The following XPO4 variants were observed in gnomAD, a reference collection of about 807,000 sequenced individuals.
The protein encoded by XPO4 is exportin 4.
Under a neutral mutation model 143.0 loss-of-function variants are expected in XPO4, and 39 were observed. The observed-to-expected ratio is 0.27, with a 90% confidence interval of 0.21 to 0.36. The LOEUF is 0.36. Among genes scored for constraint, XPO4 ranks in the 10% least tolerant of loss-of-function variants. The pLI, the probability that XPO4 is intolerant of heterozygous loss-of-function variation, is 1.00. For synonymous variants in XPO4, 439 were observed against 474.0 expected (o/e 0.93, Z 0.96); for missense variants, 907 against 1,348.0 (o/e 0.67, Z 5.12).
intron 1 of XPO4, among the ~76,000 whole-genome samples, chr13:20,900,812 G>A (rs890470476): frequency 6.0e-4 from 91 of 151,862 alleles, no homozygotes; most frequent in Non-Finnish European, 1.2e-3. Flanking sequence ...GGGCTTCACC[G>A]TGTTGGCCAG....
intron 7 of XPO4, among the ~76,000 whole-genome samples, chr13:20,825,891 G>T (rs12865089): frequency 0.057 from 8,731 of 152,062 alleles, 633 homozygotes; most frequent in African/African-American, 0.17. Context: ...TATACCCATG[G>T]ATAGATAACC....
intron 1 of XPO4, among the ~76,000 whole-genome samples, chr13:20,877,990 A>G: frequency 6.6e-6 from 1 of 152,194 alleles, no homozygotes. Flanking sequence ...TGAGGTCAGG[A>G]GCTCAAGACC....
At chr13:20,850,317 T>C in intron 4 of XPO4, 2 of 954,872 alleles carry the variant, frequency 2.1e-6, no homozygotes, top group Non-Finnish European at 1.2e-6. Flanking sequence ...ATTTTACATA[T>C]TAGTGAACTA....
chr13:20,855,568 T>C, intron 4 of XPO4, 59 bp downstream of exon 4: 1 of 1,391,880 alleles, frequency 7.2e-7, no homozygotes, highest in Non-Finnish European at 9.4e-7. Flanking sequence ...GCTATAATGC[T>C]ATTTGTGTAA....
chr13:20,828,977 C>T (rs942814168), intron 6 of XPO4, among the ~76,000 whole-genome samples: 3 of 152,216 alleles, frequency 2.0e-5, no homozygotes, highest in African/African-American at 4.8e-5. Context: ...ACAAGACTGG[C>T]TGTTTAAAGC....
chr13:20,833,947 G>A (rs891363506), intron 6 of XPO4, among the ~76,000 whole-genome samples: 1 of 152,138 alleles, frequency 6.6e-6, no homozygotes, highest in Non-Finnish European at 1.5e-5. Flanking sequence ...GTATGATGGA[G>A]GATCACAGGA....
intron 1 of XPO4, among the ~76,000 whole-genome samples, chr13:20,882,169 T>C (rs952103568): frequency 2.1e-5 from 3 of 143,246 alleles, no homozygotes; most frequent in South Asian, 2.2e-4. Flanking sequence ...AAGACAGATA[T>C]GGGAAATTAT....
intron 9 of XPO4, among the ~76,000 whole-genome samples, chr13:20,813,989 A>G (rs1330059813): frequency 6.6e-6 from 1 of 152,026 alleles, no homozygotes; most frequent in Admixed American, 6.6e-5. Context: ...ATTGAACGCT[A>G]AGAGCCAGGC....
At chr13:20,870,430 T>C (rs1389994721) in intron 1 of XPO4, among the ~76,000 whole-genome samples, 2 of 126,748 alleles carry the variant, frequency 1.6e-5, no homozygotes, top group South Asian at 2.4e-4. Flanking sequence ...AGACTCCATC[T>C]CAATTAAAAA....
At chr13:20,854,471 T>C (rs2060122030) in intron 4 of XPO4, among the ~76,000 whole-genome samples, 1 of 152,160 alleles carries the variant, frequency 6.6e-6, no homozygotes, top group Non-Finnish European at 1.5e-5. Context: ...GAGGGGCCAC[T>C]GAAGACAAAA....
chr13:20,887,850 C>T (rs1432946879), intron 1 of XPO4, among the ~76,000 whole-genome samples: 1 of 144,300 alleles, frequency 6.9e-6, no homozygotes, highest in South Asian at 2.2e-4. Flanking sequence ...GACAGTCAGA[C>T]TCTGTCTCAA....
chr13:20,855,869 G>A (rs2060138353), intron 3 of XPO4, 104 bp from the exon 4 acceptor site: 7 of 1,250,100 alleles, frequency 5.6e-6, no homozygotes, highest in Non-Finnish European at 7.6e-6. Flanking sequence ...TTGCTTACAT[G>A]TGAGAGTAGA....
chr13:20,871,272 G>A (rs1455657586), intron 1 of XPO4, among the ~76,000 whole-genome samples: 1 of 152,034 alleles, frequency 6.6e-6, no homozygotes, highest in Non-Finnish European at 1.5e-5. Flanking sequence ...CCTCCGCCTC[G>A]GCCTCCCAAA....
Position 20,781,107 on chromosome 13 carries a change from T to C in XPO4, c.*2615A>G, listed in dbSNP as rs1422666169. On this transcript the variant is annotated 3_prime_UTR_variant, in exon 23 of 23. Transcript: ENST00000255305. ...TACTTGACAGTGTCCCTTTGACATA[T>C]ATAAAAGAGGGCACAAATAATGTTT... 2 of 152,236 alleles carry C rather than the reference T, an allele frequency of 1.3e-5. No individual in the cohort carries two copies. The highest frequency in any genetic ancestry group is 1.9e-4 in the East Asian group (1 of 5,188). 9.4% of individuals were successfully genotyped at this position (152,236 alleles called of 1,614,324 possible). A position where few individuals can be genotyped will look rare whatever the true frequency, so the allele number is the denominator to read the frequency against.
In XPO4 at chr13:20,800,890, A is replaced by G; in HGVS notation, c.1918T>C (p.Trp640Arg). ...GTCTTTGCCCAGCGTTTTAAAAACC[A>G]AACAATATCTTTGCCCATCTGGGGA... ...LSPQMGKDIV[W>R]FLKRWAKTYL... is the part of the protein sequence containing the mutation. Residue 640 changes from tryptophan to arginine, a missense_variant, in exon 14 of 23, where the codon TGG (tryptophan) becomes CGG (arginine). Transcript: ENST00000255305. 6.2e-7 allele frequency: 1 copy of G among 1,614,098 alleles called. No homozygotes were observed. The highest frequency in any genetic ancestry group is 8.5e-7 in the Non-Finnish European group (1 of 1,179,988).
At chr13:20,823,938 C>T (rs2137970498) in intron 7 of XPO4, among the ~76,000 whole-genome samples, 1 of 152,336 alleles carries the variant, frequency 6.6e-6, no homozygotes, top group Middle Eastern at 3.4e-3. Flanking sequence ...AGGCATGAGC[C>T]ACCACGCCCG....
intron 1 of XPO4, among the ~76,000 whole-genome samples, chr13:20,870,053 T>C (rs2060280018): frequency 7.3e-6 from 1 of 136,692 alleles, no homozygotes; most frequent in Non-Finnish European, 1.5e-5. Context: ...TGAGCTGATA[T>C]GGCGCCACTG....
chr13:20,835,064 G>A (rs1056574893), intron 6 of XPO4, among the ~76,000 whole-genome samples: 2 of 152,160 alleles, frequency 1.3e-5, no homozygotes, highest in Non-Finnish European at 2.9e-5. Context: ...GGGTGCAGTG[G>A]TGCAATCATA....
intron 1 of XPO4, among the ~76,000 whole-genome samples, chr13:20,884,771 G>C (rs2060445514): frequency 6.6e-6 from 1 of 151,964 alleles, no homozygotes; most frequent in Non-Finnish European, 1.5e-5. Flanking sequence ...GATCACTTGA[G>C]CCCAAACGTT....
Sources: allele counts gnomAD v4.1 joint callset (sites outside exome capture counted in the v4.1 genomes callset), GRCh38; gene constraint gnomAD v4.1.1; transcripts MANE v1.5; gene names NCBI Gene and HGNC (gene_info 2026-07-23, HGNC 2026-07-21).